CSTF3: variants seen among roughly 807,000 people sequenced by gnomAD.
The protein encoded by CSTF3 is cleavage stimulation factor subunit 3, also known as CF-1 77 kDa subunit.
Under a neutral mutation model 105.8 loss-of-function variants are expected in CSTF3, and 29 were observed. The observed-to-expected ratio is 0.27, with a 90% CI of 0.20 to 0.37. The LOEUF (loss-of-function observed/expected upper bound fraction) is 0.37, where lower values mean the gene tolerates loss of function less well. CSTF3 is among the 10% of genes least tolerant of loss of function. CSTF3 has a pLI of 1.00. For missense variants in CSTF3, 357 were observed against 879.3 expected, an observed-to-expected ratio of 0.41 and a Z score of 7.51; for synonymous variants, 252 against 281.9, an observed-to-expected ratio of 0.89 and a Z score of 1.06.
intron 1 of CSTF3, among the ~76,000 whole-genome samples, chr11:33,156,092 C>G (rs745783133): frequency 9.2e-5 from 14 of 152,184 alleles, no homozygotes; most frequent in Non-Finnish European, 1.8e-4. Flanking sequence ...CTCTTAGGAA[C>G]AACTGTCCCC....
At chr11:33,092,423 C>T (rs1390397893) in intron 15 of CSTF3, 83 bp from the exon 16 acceptor site, 13 of 842,132 alleles carry the variant, frequency 1.5e-5, no homozygotes, top group Non-Finnish European at 2.3e-5. Context: ...CTCACTTCAT[C>T]CTTACAAAAA....
chr11:33,089,442 A>T (rs1386047672), intron 17 of CSTF3, among the ~76,000 whole-genome samples: 1 of 152,182 alleles, frequency 6.6e-6, no homozygotes. Flanking sequence ...AAGTTATTTG[A>T]GGACCCGCTG....
intron 1 of CSTF3, among the ~76,000 whole-genome samples, chr11:33,160,081 G>A (rs1056441290): frequency 2.6e-5 from 4 of 151,502 alleles, no homozygotes; most frequent in Non-Finnish European, 5.9e-5. Context: ...CAGTTCATTA[G>A]TCCTTCACTT....
chr11:33,134,692 A>T (rs1855634825), intron 3 of CSTF3, among the ~76,000 whole-genome samples: 1 of 152,166 alleles, frequency 6.6e-6, no homozygotes, highest in Non-Finnish European at 1.5e-5. Flanking sequence ...TAGTCATCAA[A>T]TTTGACTTTA....
rs1368392693 is a variant in CSTF3, at chr11:33,084,742, C to T, written c.*345G>A. 8.2e-6 allele frequency: 2 copies of T among 243,242 alleles called. No homozygotes were observed. Among genetic ancestry groups the T allele is most frequent in the South Asian group, 1.3e-4 (2 of 15,444 alleles). 15.1% of individuals were successfully genotyped at this position (243,242 alleles called of 1,614,324 possible). On this transcript the variant is annotated 3_prime_UTR_variant, in exon 21 of 21. Transcript: ENST00000323959. ...TCAGAAAATGTGATAAAATGCTTTACAATCATAAGCCATCCAGTTTTTAAA... is the reference window on the plus strand; with the variant it reads ...TCAGAAAATGTGATAAAATGCTTTATAATCATAAGCCATCCAGTTTTTAAA...
At chr11:33,132,040 A>C (rs1855605219) in intron 3 of CSTF3, among the ~76,000 whole-genome samples, 1 of 152,138 alleles carries the variant, frequency 6.6e-6, no homozygotes, top group South Asian at 2.1e-4. Context: ...TTTGTTTGAA[A>C]ATTTTTATAA....
At chr11:33,136,951 A>G (rs1414276806) in intron 3 of CSTF3, among the ~76,000 whole-genome samples, 5 of 151,864 alleles carry the variant, frequency 3.3e-5, no homozygotes, top group Non-Finnish European at 7.4e-5. Context: ...ACCTCCCCCA[A>G]AAACTTCAAA....
intron 3 of CSTF3, among the ~76,000 whole-genome samples, chr11:33,138,503 TAACTC>T (rs1478526507): frequency 3.3e-5 from 5 of 151,874 alleles, no homozygotes; most frequent in Non-Finnish European, 4.4e-5. Context: ...GCATTCCACT[TAACTC>T]AAGTGTTTAA....
At chr11:33,141,558 A>T in intron 3 of CSTF3, 109 bp downstream of exon 3, 1 of 1,423,594 alleles carries the variant, frequency 7.0e-7, no homozygotes, top group Non-Finnish European at 9.2e-7. Flanking sequence ...TAAAGGTAAG[A>T]CACATTTAAA....
At chr11:33,148,653 G>A (rs75413632) in intron 1 of CSTF3, among the ~76,000 whole-genome samples, 2 of 150,480 alleles carry the variant, frequency 1.3e-5, no homozygotes, top group Non-Finnish European at 2.9e-5. Context: ...CCGAGATTAC[G>A]CCACAGCACT....
chr11:33,135,292 G>T (rs773916302), intron 3 of CSTF3, among the ~76,000 whole-genome samples: 10 of 152,096 alleles, frequency 6.6e-5, no homozygotes, highest in Non-Finnish European at 1.3e-4. Flanking sequence ...AAGATCACTC[G>T]ATTATATACA....
At chr11:33,120,295 A>T (rs1444343376) in intron 3 of CSTF3, among the ~76,000 whole-genome samples, 1 of 151,828 alleles carries the variant, frequency 6.6e-6, no homozygotes, top group Admixed American at 6.6e-5. Context: ...ACAAAAAGTT[A>T]AGGTTTTATA....
chr11:33,150,250 G>A (rs368030683), intron 1 of CSTF3, among the ~76,000 whole-genome samples: 118 of 144,470 alleles, frequency 8.2e-4, no homozygotes, highest in South Asian at 1.1e-3. Context: ...GAAAAGAAAA[G>A]AAAAGAAAAC....
chr11:33,157,993 A>G (rs1453755689), intron 1 of CSTF3, among the ~76,000 whole-genome samples: 1 of 152,154 alleles, frequency 6.6e-6, no homozygotes, highest in South Asian at 2.1e-4. Flanking sequence ...CAGCTCATTC[A>G]TATTTTCCAT....
intron 4 of CSTF3, 133 bp downstream of exon 4, chr11:33,108,252 TG>T: frequency 5.3e-6 from 5 of 935,880 alleles, no homozygotes; most frequent in Non-Finnish European, 7.4e-6. Context: ...ATAAAAAAGC[TG>T]AATAAGTACA....
rs1243084754 is a variant in CSTF3, at chr11:33,141,670, T to C, written c.222A>G (p.Ala74=). The change falls in exon 3 of 21, where the codon GCA becomes GCG. Residue 74 remains alanine, a synonymous_variant. Coordinates refer to ENST00000323959, the MANE Select transcript of CSTF3 (RefSeq NM_001326.3). ...AAAAATAAAATAAAATAGTAACCTC[T>C]GCTTCAATGTACAGTTTCCAGAATC... is the stretch of plus-strand genomic sequence containing the variant. ...SGRFWKLYIE[A]EIKAKNYDKV... The C allele has an allele frequency of 3.1e-6, 5 of 1,611,600 alleles. No homozygotes were observed. The highest frequency in any genetic ancestry group is 4.2e-6 in the Non-Finnish European group (5 of 1,179,282).
chr11:33,090,875 T>C, intron 16 of CSTF3, 148 bp from the exon 17 acceptor site: 4 of 503,106 alleles, frequency 8.0e-6, no homozygotes, highest in South Asian at 4.3e-5. Context: ...TATAGAAAAA[T>C]AGAATAGTAT....
intron 3 of CSTF3, among the ~76,000 whole-genome samples, chr11:33,132,710 C>G (rs958798400): frequency 6.6e-6 from 1 of 152,108 alleles, no homozygotes; most frequent in African/African-American, 2.4e-5. Context: ...CTTTAAAGTG[C>G]TAAGAATTTC....
At chr11:33,156,739 G>A in intron 1 of CSTF3, 2 of 454,042 alleles carry the variant, frequency 4.4e-6, no homozygotes, top group South Asian at 3.1e-5. Flanking sequence ...GGCTGAGGCA[G>A]GAGGATCACT....
Sources: allele counts gnomAD v4.1 joint callset (sites outside exome capture counted in the v4.1 genomes callset), GRCh38; gene constraint gnomAD v4.1.1; transcripts MANE v1.5; gene names NCBI Gene and HGNC (gene_info 2026-07-23, HGNC 2026-07-21).